The following ABCA10 variants were observed in gnomAD, a reference collection of about 807,000 sequenced individuals.
The protein encoded by ABCA10 is ATP binding cassette subfamily A member 10, also known as ATP-binding cassette sub-family A member 10.
Under a neutral mutation model 187.5 loss-of-function variants are expected in ABCA10, and 169 were observed. The observed-to-expected ratio is 0.90, with a 90% confidence interval of 0.80 to 1.02. ABCA10 has a LOEUF of 1.02. Ranked by LOEUF, ABCA10 falls within the 50% of genes least tolerant of loss-of-function variation. ABCA10 has a pLI of 0.00. For synonymous variants in ABCA10, 574 were observed against 601.8 expected (o/e 0.95, Z 0.68); for missense variants, 1,727 against 1,812.4 (o/e 0.95, Z 0.86).
intron 22 of ABCA10, among the ~76,000 whole-genome samples, chr17:69,179,167 A>G (rs1326940738): frequency 6.6e-6 from 1 of 150,812 alleles, no homozygotes; most frequent in Non-Finnish European, 1.5e-5. Context: ...GGGTGACAAG[A>G]GCAAAACTCC....
chr17:69,214,808 T>A lies in ABCA10; in HGVS notation c.902A>T (p.Asp301Val), dbSNP rs756516297. ...DNYLSGVIFP[D>V]PSGDSYKMIA... ...CATTTTGTATGAATCCCCAGAGGGA[T>A]CAGGAAAAATAACACCACTTAAGTA... The change falls in exon 9 of 39, where the codon GAT (aspartate) becomes GTT (valine). Residue 301 changes from aspartate (D) to valine (V), a missense_variant. Transcript: ENST00000690296. 2 of 1,505,796 alleles carry A rather than the reference T, an allele frequency of 1.3e-6. No homozygotes were observed. The highest frequency in any genetic ancestry group is 2.7e-5 in the Admixed American group (1 of 37,638). The allele number at this position is 1,505,796 out of a possible 1,614,324, so 93.3% of individuals were successfully genotyped here.
intron 4 of ABCA10, among the ~76,000 whole-genome samples, chr17:69,222,314 G>A (rs1267560413): frequency 6.8e-6 from 1 of 147,852 alleles, no homozygotes; most frequent in Non-Finnish European, 1.5e-5. Flanking sequence ...CTCCAGCCAG[G>A]GTGACAGAGG....
chr17:69,240,663 T>G (rs774728941), intron 1 of ABCA10, among the ~76,000 whole-genome samples: 2 of 152,250 alleles, frequency 1.3e-5, no homozygotes, highest in Non-Finnish European at 2.9e-5. Context: ...TGTAGAACTC[T>G]TCAGCTGCCT....
At position 69,182,774 on chromosome 17, in the gene ABCA10, C is replaced by G. The variant is rs1284070071; in HGVS notation, c.2532G>C (p.Lys844Asn). ...CTATTTCCAAAACTATATCCTGACA[C>G]TTCAGTGAATGCACGAGGTCTTCAA... Reference protein sequence around the residue: ...SNIEDLVHSLKCQDIVLEIDD... With the variant: ...SNIEDLVHSLNCQDIVLEIDD... Residue 844 changes from lysine (K) to asparagine (N), a missense_variant, in exon 21 of 39, where the codon AAG becomes AAC. By Grantham distance (94) the Lys-to-Asn change is moderately conservative. Coordinates refer to ENST00000690296, the MANE Select transcript of ABCA10 (RefSeq NM_001377321.1). 2 of 1,609,538 alleles carry G rather than the reference C, an allele frequency of 1.2e-6. No individual in the cohort carries two copies. The highest frequency in any genetic ancestry group is 2.2e-5 in the South Asian group (2 of 90,556).
chr17:69,201,692 A>G (rs1413612114), intron 9 of ABCA10, 24 bp from the exon 10 acceptor site: 1 of 1,546,120 alleles, frequency 6.5e-7, no homozygotes, highest in African/African-American at 1.4e-5. Flanking sequence ...ATACAATTAC[A>G]TATTGCATCA....
intron 10 of ABCA10, among the ~76,000 whole-genome samples, chr17:69,200,476 C>T (rs990936761): frequency 6.6e-6 from 1 of 151,986 alleles, no homozygotes. Flanking sequence ...AGAATACTGC[C>T]CAAAAATCTT....
chr17:69,237,031 G>C (rs554800561), intron 1 of ABCA10, among the ~76,000 whole-genome samples: 1 of 152,120 alleles, frequency 6.6e-6, no homozygotes, highest in Admixed American at 6.5e-5. Flanking sequence ...ATTATTTTCT[G>C]GTCAAATATT....
intron 10 of ABCA10, among the ~76,000 whole-genome samples, chr17:69,197,708 T>G (rs931956821): frequency 3.3e-5 from 5 of 152,204 alleles, no homozygotes. Flanking sequence ...TTTGTTTTCT[T>G]AAGTCTCTAA....
chr17:69,208,338 A>G (rs572679368), intron 9 of ABCA10, among the ~76,000 whole-genome samples: 8 of 149,416 alleles, frequency 5.4e-5, no homozygotes, highest in African/African-American at 2.0e-4. Context: ...GAATGGCGTG[A>G]ACCCGGGATG....
At chr17:69,194,258 C>CTA in intron 12 of ABCA10, 127 bp downstream of exon 12, 1 of 810,450 alleles carries the variant, frequency 1.2e-6, no homozygotes, top group Admixed American at 2.7e-5. Flanking sequence ...CATATGAAAT[C>CTA]AATATTTCCT....
chr17:69,151,314 A>G (rs1280636770), intron 36 of ABCA10, among the ~76,000 whole-genome samples: 1 of 152,206 alleles, frequency 6.6e-6, no homozygotes, highest in African/African-American at 2.4e-5. Context: ...CCTCAATGTC[A>G]TATCCTCATT....
At chr17:69,216,448 A>T in intron 6 of ABCA10, 90 bp from the exon 7 acceptor site, 12 of 1,391,280 alleles carry the variant, frequency 8.6e-6, no homozygotes, top group Non-Finnish European at 1.2e-5. Flanking sequence ...AAAAGCTCTG[A>T]AATCAGGACT....
chr17:69,203,729 C>T (rs2074566830), intron 9 of ABCA10, among the ~76,000 whole-genome samples: 2 of 152,152 alleles, frequency 1.3e-5, no homozygotes, highest in Admixed American at 6.6e-5. Flanking sequence ...CCATTTTTTG[C>T]ACCAGTCGTT....
chr17:69,170,287 C>CA (rs10559540), intron 25 of ABCA10, among the ~76,000 whole-genome samples: 76 of 141,362 alleles, frequency 5.4e-4, no homozygotes, highest in East Asian at 1.1e-3. Context: ...GATTCCGTCT[C>CA]AAAAAAAAAA....
chr17:69,206,341 G>C (rs987929882), intron 9 of ABCA10, among the ~76,000 whole-genome samples: 2 of 152,130 alleles, frequency 1.3e-5, no homozygotes, highest in African/African-American at 4.8e-5. Context: ...ATAAGGTGTG[G>C]AATAGGACTT....
At chr17:69,244,243 A>T (rs1404698255) in intron 1 of ABCA10, 1 of 152,110 alleles carries the variant, frequency 6.6e-6, no homozygotes, top group African/African-American at 2.4e-5. Flanking sequence ...AATTAAAACA[A>T]AGTAATTGTC....
intron 8 of ABCA10, 37 bp downstream of exon 8, chr17:69,215,778 A>C: frequency 2.1e-6 from 3 of 1,415,012 alleles, no homozygotes; most frequent in Non-Finnish European, 2.8e-6. Flanking sequence ...TATTTTGAAA[A>C]TCTAATAATA....
intron 22 of ABCA10, among the ~76,000 whole-genome samples, chr17:69,178,329 G>A (rs1341551861): frequency 6.6e-6 from 1 of 152,076 alleles, no homozygotes; most frequent in Admixed American, 6.6e-5. Context: ...AAATCTAGAC[G>A]CAAGTGAGCC....
intron 2 of ABCA10, among the ~76,000 whole-genome samples, chr17:69,226,435 C>T (rs1238900575): frequency 6.6e-6 from 1 of 151,978 alleles, no homozygotes; most frequent in Non-Finnish European, 1.5e-5. Flanking sequence ...GATATAAATC[C>T]TGTTAGCTCC....
Sources: gnomAD v4.1 joint callset for allele counts (sites outside exome capture counted in the v4.1 genomes callset) on GRCh38, gnomAD v4.1.1 for gene constraint, MANE v1.5 for transcripts, NCBI Gene and HGNC (gene_info 2026-07-23, HGNC 2026-07-21) for gene names.